Variants in CAPN3 observed in about 807,000 individuals in gnomAD.
The protein encoded by CAPN3 is calpain 3.
A neutral mutation model predicts 114.0 loss-of-function variants in CAPN3; 88 were observed. That is an observed-to-expected ratio of 0.77 (90% CI 0.65 to 0.92). The LOEUF is 0.92. Among genes scored for constraint, CAPN3 ranks in the 40% least tolerant of loss-of-function variants. CAPN3 has a pLI of 0.00. For missense variants in CAPN3, 1,028 were observed against 1,069.0 expected, an observed-to-expected ratio of 0.96 and a Z score of 0.53; for synonymous variants, 386 against 382.9, an observed-to-expected ratio of 1.01 and a Z score of -0.09.
chr15:42,403,660 C>T (rs996181646), intron 13 of CAPN3, 81 bp from the exon 14 acceptor site: 18 of 1,328,920 alleles, frequency 1.4e-5, no homozygotes, highest in Non-Finnish European at 1.7e-5. Flanking sequence ...GCCAGGAAGC[C>T]GTGCACCAGA....
chr15:42,372,614 G>T (rs1360528211), intron 1 of CAPN3, among the ~76,000 whole-genome samples: 2 of 152,140 alleles, frequency 1.3e-5, no homozygotes, highest in South Asian at 4.1e-4. Flanking sequence ...TTGGGAGGCC[G>T]AAGCAGGCGG....
chr15:42,400,663 G>A (rs2053837394), intron 10 of CAPN3, among the ~76,000 whole-genome samples: 2 of 151,996 alleles, frequency 1.3e-5, no homozygotes, highest in African/African-American at 4.8e-5. Context: ...TCCTGCCTGG[G>A]TGACAGAGTG....
rs2053446296 is a variant in CAPN3, at chr15:42,387,868, TG to T, written c.616del (p.Glu206ArgfsTer14). The T allele has an allele frequency of 3.1e-6, 5 of 1,614,046 alleles. No homozygotes were observed. The highest frequency in any genetic ancestry group is 4.2e-6 in the Non-Finnish European group (5 of 1,180,046). On this transcript the variant is annotated frameshift_variant, in exon 4 of 24. Coordinates refer to ENST00000397163, the MANE Select transcript of CAPN3 (RefSeq NM_000070.3). LOFTEE classifies it high-confidence loss of function. ...CGCAATGAGTTCTGGAGTGCTCTGC[TG>T]GAGAAGGCTTATGCTAAGTAAGCAA... The part of the protein sequence containing the change: ...NHRNEFWSAL[L>X]EKAYAKLHGS...
At chr15:42,404,101 C>A (rs1277492487) in intron 14 of CAPN3, 1 of 505,186 alleles carries the variant, frequency 2.0e-6, no homozygotes, top group Non-Finnish European at 3.9e-6. Flanking sequence ...GATTCTGAGA[C>A]TGGATAACAT....
chr15:42,410,728 G>T, intron 21 of CAPN3, 62 bp downstream of exon 21: 1 of 1,446,374 alleles, frequency 6.9e-7, no homozygotes, highest in Non-Finnish European at 9.7e-7. Flanking sequence ...GGAATGGGAG[G>T]GGACTAGGCT....
chr15:42,361,828 C>G (rs111492074), intron 1 of CAPN3, among the ~76,000 whole-genome samples: 5,782 of 152,306 alleles, frequency 0.038, 340 homozygotes, highest in African/African-American at 0.12. Flanking sequence ...CTCTGTAGTT[C>G]CAAGTCTTCT....
chr15:42,409,752 C>T (rs1460625824), intron 17 of CAPN3, 35 bp from the exon 18 acceptor site: 3 of 1,602,374 alleles, frequency 1.9e-6, no homozygotes, highest in South Asian at 1.1e-5. Flanking sequence ...CTGCTGTACT[C>T]CTGAACCATG....
At chr15:42,380,751 A>ATATATATATTTTTTTTT (rs1436943739) in intron 1 of CAPN3, among the ~76,000 whole-genome samples, 1 of 64,456 alleles carries the variant, frequency 1.6e-5, no homozygotes. Context: ...ATATATATAT[A>ATATATATATTTTTTTTT]TTTTTTTTTT....
chr15:42,389,840 C>G, intron 5 of CAPN3, 113 bp from the exon 6 acceptor site: 1 of 1,138,578 alleles, frequency 8.8e-7, no homozygotes. Context: ...TTGATCTCTC[C>G]TCTCTCCCTT....
At chr15:42,361,536 G>A (rs2052643914) in intron 1 of CAPN3, among the ~76,000 whole-genome samples, 1 of 151,980 alleles carries the variant, frequency 6.6e-6, no homozygotes, top group Non-Finnish European at 1.5e-5. Context: ...TATTCCATAG[G>A]GGCTCTTCTT....
chr15:42,366,039 C>T (rs2052768598), intron 1 of CAPN3, among the ~76,000 whole-genome samples: 1 of 152,170 alleles, frequency 6.6e-6, no homozygotes, highest in Non-Finnish European at 1.5e-5. Flanking sequence ...CTTTCTTGAT[C>T]TTATCAGAGG....
chr15:42,397,438 G>A (rs886721126), intron 9 of CAPN3, among the ~76,000 whole-genome samples: 5 of 152,106 alleles, frequency 3.3e-5, no homozygotes, highest in South Asian at 2.1e-4. Flanking sequence ...TCAGGAGATC[G>A]AGAACATCTT....
At chr15:42,379,663 G>C (rs2053185567) in intron 1 of CAPN3, among the ~76,000 whole-genome samples, 1 of 152,128 alleles carries the variant, frequency 6.6e-6, no homozygotes, top group Non-Finnish European at 1.5e-5. Flanking sequence ...TTGGAAAATT[G>C]ACCAATTGAC....
At chr15:42,393,064 A>T (rs891969797) in intron 7 of CAPN3, among the ~76,000 whole-genome samples, 5 of 152,236 alleles carry the variant, frequency 3.3e-5, no homozygotes, top group Non-Finnish European at 7.3e-5. Flanking sequence ...AGATAGCTAC[A>T]GTTGTCTCTG....
At chr15:42,390,287 A>G (rs757316109) in intron 6 of CAPN3, among the ~76,000 whole-genome samples, 191 bp downstream of exon 6, 3 of 152,210 alleles carry the variant, frequency 2.0e-5, no homozygotes, top group Non-Finnish European at 4.4e-5. Flanking sequence ...AGGATTTTGG[A>G]GGGAATCTCT....
chr15:42,392,107 G>A (rs548649621), intron 6 of CAPN3, among the ~76,000 whole-genome samples: 1 of 152,314 alleles, frequency 6.6e-6, no homozygotes, highest in African/African-American at 2.4e-5. Context: ...AGAGGTTGCA[G>A]TGAGCCGAGA....
intron 5 of CAPN3, among the ~76,000 whole-genome samples, chr15:42,389,507 G>A (rs2053495470): frequency 6.6e-6 from 1 of 152,186 alleles, no homozygotes; most frequent in African/African-American, 2.4e-5. Context: ...TGGGCTTTGT[G>A]TTGTTACCTG....
intron 1 of CAPN3, among the ~76,000 whole-genome samples, chr15:42,380,614 T>C (rs201241453): frequency 6.9e-6 from 1 of 145,790 alleles, no homozygotes; most frequent in Non-Finnish European, 1.5e-5. Flanking sequence ...TGTATATATA[T>C]ATGTATGTAT....
At chr15:42,401,546 T>C in intron 10 of CAPN3, 95 bp from the exon 11 acceptor site, 1 of 824,792 alleles carries the variant, frequency 1.2e-6, no homozygotes, top group African/African-American at 1.8e-5. Flanking sequence ...AGCACCTAGA[T>C]GTAGGGAATA....
Sources: allele counts gnomAD v4.1 joint callset (sites outside exome capture counted in the v4.1 genomes callset), GRCh38; gene constraint gnomAD v4.1.1; transcripts MANE v1.5; gene names NCBI Gene and HGNC (gene_info 2026-07-23, HGNC 2026-07-21).